The following UQCR11 variants were observed in gnomAD, a reference collection of about 807,000 sequenced individuals.
UQCR11 encodes the protein ubiquinol-cytochrome c reductase, complex III subunit XI, also known as cytochrome b-c1 complex subunit 10.
In UQCR11, 10 loss-of-function variants were observed where a neutral mutation model predicts 7.6. The ratio of observed to expected loss-of-function variants is 1.31; its 90% confidence interval spans 0.81 to 2.22. The LOEUF (loss-of-function observed/expected upper bound fraction) is 2.22, where lower values mean the gene tolerates loss of function less well. Ranked by LOEUF, UQCR11 falls within the 30% of genes most tolerant of loss-of-function variation. UQCR11 has a pLI of 0.00. For missense variants in UQCR11, 86 were observed against 75.1 expected, an observed-to-expected ratio of 1.15 and a Z score of -0.54; for synonymous variants, 34 against 34.9, an observed-to-expected ratio of 0.97 and a Z score of 0.09.
chr19:1,604,365 C>T (rs1310230477), intron 1 of UQCR11, among the ~76,000 whole-genome samples: 1 of 152,162 alleles, frequency 6.6e-6, no homozygotes, highest in Non-Finnish European at 1.5e-5. Flanking sequence ...AGACAGGTGC[C>T]ACCATGCCCT....
chr19:1,603,328 C>T (rs1353826792), intron 1 of UQCR11, among the ~76,000 whole-genome samples: 2 of 152,210 alleles, frequency 1.3e-5, no homozygotes, highest in East Asian at 1.9e-4. Context: ...TTGGGCTGGG[C>T]GCAGTGGCTC....
chr19:1,599,549 G>A lies in UQCR11; in HGVS notation c.62C>T (p.Ala21Val). The part of the protein sequence containing the change: ...RELVKNWVPT[A>V]YTWGAVGAVG... ...GGCGCCCACAGCGCCCCATGTGTAG[G>A]CCGTCGGGACCCTGCGAGAGGAGAG... Residue 21 changes from alanine (A) to valine (V), a missense_variant, in exon 2 of 3, where the codon GCC becomes GTC. Coordinates refer to ENST00000591899, the MANE Select transcript of UQCR11 (RefSeq NM_006830.4). The A allele has an allele frequency of 6.2e-7, 1 of 1,610,644 alleles. No individual in the cohort carries two copies. Among genetic ancestry groups the A allele is most frequent in the Non-Finnish European group, 8.5e-7 (1 of 1,179,972 alleles).
rs373629409 is a variant in UQCR11 at position 1,599,565 on chromosome 19, G to A, written c.51-5C>T. The A allele has an allele frequency of 5.4e-5, 87 of 1,607,564 alleles. No homozygotes were observed. The African/African-American group carries it at 6.5e-4, about 12-fold the overall frequency. ...CATGTGTAGGCCGTCGGGACCCTGC[G>A]AGAGGAGAGGGGATGGTCAGGCCTG... On this transcript the variant is annotated splice_polypyrimidine_tract_variant and splice_region_variant and intron_variant, in intron 1 of 2. Transcript: ENST00000591899.
intron 1 of UQCR11, among the ~76,000 whole-genome samples, chr19:1,604,055 C>T (rs549564808): frequency 1.6e-4 from 25 of 152,338 alleles, no homozygotes; most frequent in African/African-American, 5.5e-4. Flanking sequence ...GAGCGATTCT[C>T]CTGCCTCAGC....
At chr19:1,598,528 G>T (rs1029661825) in intron 2 of UQCR11, among the ~76,000 whole-genome samples, 3 of 149,722 alleles carry the variant, frequency 2.0e-5, no homozygotes, top group Admixed American at 6.7e-5. Flanking sequence ...TGGGCAACAA[G>T]AGCCAAACTC....
intron 1 of UQCR11, among the ~76,000 whole-genome samples, chr19:1,599,857 G>A (rs2060742106): frequency 6.6e-6 from 1 of 152,266 alleles, no homozygotes; most frequent in Non-Finnish European, 1.5e-5. Context: ...CCATGATGAT[G>A]GGTCCGGTCT....
intron 1 of UQCR11, among the ~76,000 whole-genome samples, chr19:1,603,857 C>A (rs895361331): frequency 6.6e-6 from 1 of 152,220 alleles, no homozygotes; most frequent in African/African-American, 2.4e-5. Context: ...GTCAGCTCCA[C>A]CGTGCAGACC....
intron 1 of UQCR11, among the ~76,000 whole-genome samples, chr19:1,603,335 G>T (rs2060752582): frequency 6.6e-6 from 1 of 152,204 alleles, no homozygotes; most frequent in Non-Finnish European, 1.5e-5. Flanking sequence ...GGGCGCAGTG[G>T]CTCATGCCTG....
Position 1,599,542 on chromosome 19 carries a change from T to C in UQCR11, c.69A>G (p.Thr23=), listed in dbSNP as rs775054289. 5.0e-6 allele frequency: 8 copies of C among 1,611,504 alleles called. No homozygotes were observed. Among genetic ancestry groups the C allele is most frequent in the East Asian group, 2.2e-5 (1 of 44,900 alleles). ...GCCCCACGGCGCCCACAGCGCCCCATGTGTAGGCCGTCGGGACCCTGCGAG... is the reference window on the plus strand; with the variant it reads ...GCCCCACGGCGCCCACAGCGCCCCACGTGTAGGCCGTCGGGACCCTGCGAG... ...LVKNWVPTAY[T]WGAVGAVGLV... is the part of the protein sequence containing the mutation. The change falls in exon 2 of 3, where the codon ACA becomes ACG. Residue 23 remains threonine, a synonymous_variant. Transcript: ENST00000591899.
intron 1 of UQCR11, among the ~76,000 whole-genome samples, chr19:1,604,407 C>T (rs1378403387): frequency 6.6e-6 from 1 of 152,090 alleles, no homozygotes; most frequent in Non-Finnish European, 1.5e-5. Context: ...GATGGGGTTT[C>T]ATTGTGTTGT....
intron 1 of UQCR11, among the ~76,000 whole-genome samples, chr19:1,599,952 G>A (rs1568282334): frequency 1.3e-5 from 2 of 152,232 alleles, no homozygotes; most frequent in African/African-American, 4.8e-5. Flanking sequence ...GTTCCCAGGC[G>A]AGGACACCAA....
At position 1,601,791 on chromosome 19, in the gene UQCR11, G is replaced by A. The variant is rs2060747894; in HGVS notation, c.51-2231C>T. On this transcript the variant is annotated intron_variant, in intron 1 of 2. Transcript: ENST00000591899. The stretch of plus-strand genomic sequence containing the variant: ...TTGCTAGTTTAAGCGGCTAATTTTG[G>A]GAGACCATTTCTTATGCACACAGCA... Among the ~76,000 whole-genome samples the A allele has an allele frequency of 3.3e-5, 5 of 152,176 alleles. No homozygotes were observed. The South Asian group carries it at 6.2e-4, about 19-fold the overall frequency.
intron 1 of UQCR11, among the ~76,000 whole-genome samples, chr19:1,604,117 G>A (rs2060754975): frequency 6.6e-6 from 1 of 151,852 alleles, no homozygotes; most frequent in African/African-American, 2.4e-5. Flanking sequence ...GGCTAATTTT[G>A]TATTTTCAGT....
intron 1 of UQCR11, among the ~76,000 whole-genome samples, chr19:1,599,999 C>A (rs1279149681): frequency 6.6e-6 from 1 of 152,250 alleles, no homozygotes; most frequent in African/African-American, 2.4e-5. Context: ...TGAGGCCACA[C>A]AGCTGGCGAG....
Position 1,599,414 on chromosome 19 carries a change from G to C in UQCR11, c.*26C>G. On this transcript the variant is annotated splice_region_variant and 3_prime_UTR_variant, in exon 2 of 3. Transcript: ENST00000591899. The stretch of plus-strand genomic sequence containing the variant: ...CACCGCAGCCCACTGAAACTTACCA[G>C]AGCAGTCTGTGAAGGGTTTGTGTAA... 1 of 1,612,736 alleles carries C rather than the reference G, an allele frequency of 6.2e-7. No individual in the cohort carries two copies.
chr19:1,605,236 GAAC>G (rs748550699), intron 1 of UQCR11, 121 bp downstream of exon 1: 93 of 1,191,062 alleles, frequency 7.8e-5, no homozygotes, highest in Middle Eastern at 2.8e-4. Context: ...CTGTCACCGG[GAAC>G]AACAAGGGAC....
At chr19:1,600,359 G>A (rs543859828) in intron 1 of UQCR11, among the ~76,000 whole-genome samples, 127 of 152,160 alleles carry the variant, frequency 8.3e-4, no homozygotes, top group Non-Finnish European at 1.1e-3. Flanking sequence ...GACTACAGGC[G>A]CCCGTCACTG....
At chr19:1,599,202 A>T (rs774099972) in intron 2 of UQCR11, 2 of 562,336 alleles carry the variant, frequency 3.6e-6, no homozygotes, top group Non-Finnish European at 3.0e-6. Flanking sequence ...CCACACCCCA[A>T]TCACACAACC....
chr19:1,602,791 G>T (rs1042648750), intron 1 of UQCR11, among the ~76,000 whole-genome samples: 4 of 152,120 alleles, frequency 2.6e-5, no homozygotes, highest in African/African-American at 9.7e-5. Context: ...TCATAAATAT[G>T]CCCAGTGGGC....
Sources: allele counts gnomAD v4.1 joint callset (sites outside exome capture counted in the v4.1 genomes callset), GRCh38; gene constraint gnomAD v4.1.1; transcripts MANE v1.5; gene names NCBI Gene and HGNC (gene_info 2026-07-23, HGNC 2026-07-21).